EVC2: variants seen among roughly 807,000 people sequenced by gnomAD.
EVC2 encodes the protein limbin.
In EVC2, 148 loss-of-function variants were observed where a neutral mutation model predicts 149.3. That is an observed-to-expected ratio of 0.99 (90% CI 0.87 to 1.14). EVC2 has a LOEUF of 1.14. Among genes scored for constraint, EVC2 ranks in the 50% most tolerant of loss-of-function variants. The pLI is 0.00. For synonymous variants in EVC2, 776 were observed against 649.9 expected (o/e 1.19, Z -2.95); for missense variants, 1,854 against 1,627.3 (o/e 1.14, Z -2.40).
chr4:5,696,473 G>C lies in EVC2; in HGVS notation c.283+1120C>G, dbSNP rs1052917270. The stretch of plus-strand genomic sequence containing the variant: ...CCAGTGGCCCCAGGGATAGGTTCAG[G>C]GACAGGCCGGGGACCCACGCTGAGC... On this transcript the variant is annotated intron_variant, in intron 2 of 21. Coordinates refer to ENST00000344408, the MANE Select transcript of EVC2 (RefSeq NM_147127.5). This position sits in a 1 kb window ranked among gnomAD's most constrained non-coding sequence, Gnocchi z 4.1. Among the ~76,000 whole-genome samples the C allele has an allele frequency of 1.3e-5, 2 of 152,182 alleles. No homozygotes were observed. The highest frequency in any genetic ancestry group is 4.8e-5 in the African/African-American group (2 of 41,450).
chr4:5,634,930 G>A (rs1716789383), intron 10 of EVC2, among the ~76,000 whole-genome samples: 1 of 151,624 alleles, frequency 6.6e-6, no homozygotes, highest in Non-Finnish European at 1.5e-5. Context: ...GGCTCTGCAG[G>A]AATACGGACT....
downstream of EVC2, among the ~76,000 whole-genome samples, chr4:5,540,032 T>C (rs1263361796): frequency 6.6e-6 from 1 of 152,184 alleles, no homozygotes; most frequent in Non-Finnish European, 1.5e-5. Context: ...AACTCAAATA[T>C]AATAAAATAA....
intron 7 of EVC2, among the ~76,000 whole-genome samples, chr4:5,668,030 C>A (rs1719387388): frequency 6.6e-6 from 1 of 152,172 alleles, no homozygotes. Flanking sequence ...CTCTTCTCTG[C>A]ACAATGGAAA....
chr4:5,702,784 G>GA (rs2151744604), intron 1 of EVC2, among the ~76,000 whole-genome samples: 1 of 152,312 alleles, frequency 6.6e-6, no homozygotes, highest in South Asian at 2.1e-4. Context: ...CCTAGACACC[G>GA]ACAGCAAGTG....
intron 16 of EVC2, among the ~76,000 whole-genome samples, chr4:5,601,865 G>C (rs958318836): frequency 2.0e-5 from 3 of 152,194 alleles, no homozygotes; most frequent in Admixed American, 2.0e-4. Flanking sequence ...ACAGAGGTCA[G>C]TTTCCAACTG....
At chr4:5,573,645 G>A (rs868496350) in intron 19 of EVC2, among the ~76,000 whole-genome samples, 8 of 152,346 alleles carry the variant, frequency 5.3e-5, no homozygotes, top group Middle Eastern at 3.4e-3. Context: ...CTGACCTCCA[G>A]AACTTTAAGG....
chr4:5,656,324 A>T (rs576107087), intron 9 of EVC2, among the ~76,000 whole-genome samples: 12 of 151,648 alleles, frequency 7.9e-5, no homozygotes, highest in Non-Finnish European at 1.5e-4. Flanking sequence ...TAACTCACTG[A>T]CCCCCTCCTT....
rs1001733509 is a variant in EVC2 at position 5,633,265 on chromosome 4, C to T, written c.1471-1233G>A. Among the ~76,000 whole-genome samples, 2 of 152,164 alleles carry T rather than the reference C, an allele frequency of 1.3e-5. No individual in the cohort carries two copies. The highest frequency in any genetic ancestry group is 4.8e-5 in the African/African-American group (2 of 41,442). Reference sequence around the variant, plus strand: ...GAGCTTGGACCAGGACCCCAAGCTCCAGAGGAGAATGCAGCTCAGCCAAGA... The same window carrying T: ...GAGCTTGGACCAGGACCCCAAGCTCTAGAGGAGAATGCAGCTCAGCCAAGA... On this transcript the variant is annotated intron_variant, in intron 10 of 21. Transcript: ENST00000344408. The surrounding 1 kb of genome is among the most constrained non-coding windows in gnomAD (Gnocchi z 4.4).
chr4:5,629,951 T>C lies in EVC2; in HGVS notation c.1711-1217A>G, dbSNP rs115765412. On this transcript the variant is annotated intron_variant, in intron 11 of 21. Transcript: ENST00000344408. Reference sequence around the variant, plus strand: ...TCACCTGTGGAGTTACTTTCTGGCATAATATCATTCACAATAGCATGCATT... The same window carrying C: ...TCACCTGTGGAGTTACTTTCTGGCACAATATCATTCACAATAGCATGCATT... Among the ~76,000 whole-genome samples, 579 of 152,350 alleles carry C rather than the reference T, an allele frequency of 3.8e-3. 3 individuals are homozygous for C. Among genetic ancestry groups the C allele is most frequent in the Non-Finnish European group, 6.7e-3 (454 of 68,026 alleles).
At chr4:5,596,991 T>C (rs1437112479) in intron 16 of EVC2, among the ~76,000 whole-genome samples, 2 of 152,126 alleles carry the variant, frequency 1.3e-5, no homozygotes, top group African/African-American at 4.8e-5. Context: ...CCTCAACACA[T>C]TCACCCTCCC....
In EVC2 at chr4:5,565,329, A is replaced by G. The variant is rs1485389885; in HGVS notation, c.3588T>C (p.Asp1196=). ...TTATCAGATCTCCTCGCAGTTTGCCATCTAAGGCTTGCCACCAGCTCTGGT... is the reference window on the plus strand; with the variant it reads ...TTATCAGATCTCCTCGCAGTTTGCCGTCTAAGGCTTGCCACCAGCTCTGGT... ...RKHQSWWQAL[D]GKLRGDLISR... Residue 1196 remains aspartate (D), a synonymous_variant, in exon 21 of 22, where the codon GAT becomes GAC. Coordinates refer to ENST00000344408, the MANE Select transcript of EVC2 (RefSeq NM_147127.5). 11 of 1,614,090 alleles carry G rather than the reference A, an allele frequency of 6.8e-6. No homozygotes were observed. Among genetic ancestry groups the G allele is most frequent in the South Asian group, 1.1e-5 (1 of 91,082 alleles).
chr4:5,679,701 G>T lies in EVC2; in HGVS notation c.870+1559C>A, dbSNP rs899388804. Among the ~76,000 whole-genome samples, 1 of 152,034 alleles carries T rather than the reference G, an allele frequency of 6.6e-6. No individual in the cohort carries two copies. Among genetic ancestry groups the T allele is most frequent in the African/African-American group, 2.4e-5 (1 of 41,380 alleles). ...GTTACATAGGTATACATGTGTCATG[G>T]TGGTTTGCTGCACCTATCAACCTGT... On this transcript the variant is annotated intron_variant, in intron 7 of 21. Coordinates refer to ENST00000344408, the MANE Select transcript of EVC2 (RefSeq NM_147127.5). This position sits in a 1 kb window ranked among gnomAD's most constrained non-coding sequence, Gnocchi z 5.1.
intron 9 of EVC2, among the ~76,000 whole-genome samples, chr4:5,645,292 G>A (rs1298263235): frequency 6.8e-6 from 1 of 147,918 alleles, no homozygotes; most frequent in Non-Finnish European, 1.5e-5. Context: ...AGGGGTATAT[G>A]TGTAGGTTTT....
chr4:5,624,025 C>G (rs1715927024), intron 13 of EVC2, among the ~76,000 whole-genome samples: 1 of 152,130 alleles, frequency 6.6e-6, no homozygotes, highest in Non-Finnish European at 1.5e-5. Flanking sequence ...AATCAAAAAG[C>G]TAAGATCATT....
chr4:5,662,102 A>G (rs536306630), intron 9 of EVC2, among the ~76,000 whole-genome samples: 1 of 152,178 alleles, frequency 6.6e-6, no homozygotes, highest in African/African-American at 2.4e-5. Flanking sequence ...TCTATACTCA[A>G]TACCCCAATC....
At chr4:5,607,523 C>T (rs545300057) in intron 16 of EVC2, among the ~76,000 whole-genome samples, 1 of 152,292 alleles carries the variant, frequency 6.6e-6, no homozygotes, top group South Asian at 2.1e-4. Flanking sequence ...CATTTCTCAT[C>T]TGGTCACTTT....
chr4:5,618,303 T>C lies in EVC2; in HGVS notation c.2706+175A>G, dbSNP rs73198134. Among the ~76,000 whole-genome samples the C allele has an allele frequency of 3.8e-3, 585 of 152,168 alleles. 3 individuals carry two copies. Among genetic ancestry groups the C allele is most frequent in the Middle Eastern group, 6.8e-3 (2 of 294 alleles). On this transcript the variant is annotated intron_variant, in intron 15 of 21. Coordinates refer to ENST00000344408, the MANE Select transcript of EVC2 (RefSeq NM_147127.5). This position sits in a 1 kb window ranked among gnomAD's most constrained non-coding sequence, Gnocchi z 4.4. ...GCAGTGTCCACTATAGACTTTAAAG[T>C]TGGGACAGCCCTGGAGATTCCTGGA...
intron 20 of EVC2, among the ~76,000 whole-genome samples, chr4:5,566,178 C>T (rs745548739): frequency 8.4e-4 from 128 of 152,340 alleles, no homozygotes; most frequent in Non-Finnish European, 9.4e-4. Flanking sequence ...CATGAAGGTG[C>T]GTGGTCCTAG....
At chr4:5,661,159 A>T (rs1718850655) in intron 9 of EVC2, among the ~76,000 whole-genome samples, 1 of 152,220 alleles carries the variant, frequency 6.6e-6, no homozygotes, top group South Asian at 2.1e-4. Flanking sequence ...GAATAAAAAA[A>T]GTTTCCTGTA....
Sources: allele counts gnomAD v4.1 joint callset (sites outside exome capture counted in the v4.1 genomes callset), GRCh38; gene constraint gnomAD v4.1.1; non-coding constraint Gnocchi (gnomAD v3.1); transcripts MANE v1.5; gene names NCBI Gene and HGNC (gene_info 2026-07-23, HGNC 2026-07-21).